Variants in HDAC9 observed in about 807,000 individuals in gnomAD.
HDAC9 encodes the protein histone deacetylase 9, also known as MEF-2 interacting transcription repressor (MITR) protein.
A neutral mutation model predicts 139.4 loss-of-function variants in HDAC9; 41 were observed. That is an observed-to-expected ratio of 0.29 (90% CI 0.23 to 0.38). The LOEUF (loss-of-function observed/expected upper bound fraction) is 0.38. Ranked by LOEUF, HDAC9 falls within the 10% of genes least tolerant of loss-of-function variation. HDAC9 has a pLI of 1.00. For missense variants in HDAC9, 1,147 were observed against 1,297.0 expected (o/e 0.88, Z 1.78); for synonymous variants, 517 against 476.2 (o/e 1.09, Z -1.12).
chr7:18,833,779 A>G (rs7795433), intron 19 of HDAC9, among the ~76,000 whole-genome samples: 61,725 of 151,992 alleles, frequency 0.41, 12,676 homozygotes, highest in South Asian at 0.54. Flanking sequence ...TCAAAAAGGG[A>G]AAAGGATTAT....
At position 18,634,655 on chromosome 7, in the gene HDAC9, C is replaced by G; in HGVS notation, c.825C>G (p.Gly275=). 1 of 1,588,424 alleles carries G rather than the reference C, an allele frequency of 6.3e-7. No individual in the cohort carries two copies. The highest frequency in any genetic ancestry group is 8.6e-7 in the Non-Finnish European group (1 of 1,165,846). ...CCTCAGTCAGTAGCAGTTCTCCAGG[C>G]TCTGGTCCCAGTTCACCAAACAATG... ...TESSVSSSSP[G]SGPSSPNNGP... Residue 275 remains glycine, a synonymous_variant, in exon 8 of 26, where the codon GGC becomes GGG. Transcript: ENST00000686413.
intron 1 of HDAC9, among the ~76,000 whole-genome samples, chr7:18,482,537 T>C (rs978751780): frequency 1.3e-5 from 2 of 152,108 alleles, no homozygotes; most frequent in African/African-American, 2.4e-5. Flanking sequence ...CTTGAGATGT[T>C]ATTAGAGTTA....
At chr7:18,677,718 ATTG>A (rs1468768553) in intron 12 of HDAC9, among the ~76,000 whole-genome samples, 2 of 151,846 alleles carry the variant, frequency 1.3e-5, no homozygotes, top group African/African-American at 4.8e-5. Context: ...ATGTCTTTTT[ATTG>A]TTGGTTATCA....
chr7:18,789,801 C>A (rs1792146304), intron 16 of HDAC9, among the ~76,000 whole-genome samples: 1 of 152,166 alleles, frequency 6.6e-6, no homozygotes, highest in Non-Finnish European at 1.5e-5. Flanking sequence ...ATGCAAGGAA[C>A]CACTATCAGT....
In HDAC9 at chr7:18,949,320, A is replaced by G. The variant is rs1170968192; in HGVS notation, c.2938-4826A>G. On this transcript the variant is annotated intron_variant, in intron 23 of 25. Transcript: ENST00000686413. ...TTTTTTTCTGTGGAACCTCACTACC[A>G]CCTCTAGAGGCAGCTCGCTTTCCAG... The G allele has an allele frequency of 2.5e-5, 6 of 240,890 alleles. No individual in the cohort carries two copies. The South Asian group carries it at 3.2e-4, about 13-fold the overall frequency. The allele number at this position is 240,890 out of a possible 1,614,324, so 14.9% of individuals were successfully genotyped here.
At chr7:18,235,163 A>G (rs1793731742) in intron 2 of HDAC9, among the ~76,000 whole-genome samples, 1 of 152,150 alleles carries the variant, frequency 6.6e-6, no homozygotes, top group Admixed American at 6.6e-5. Flanking sequence ...ATGGTAAAAC[A>G]CCATATTTGT....
chr7:18,899,094 T>C (rs189653660), intron 22 of HDAC9, among the ~76,000 whole-genome samples: 1 of 152,156 alleles, frequency 6.6e-6, no homozygotes. Flanking sequence ...AAGCAAACTG[T>C]TATTAATGAA....
At chr7:18,849,554 T>G (rs1000919163) in intron 21 of HDAC9, among the ~76,000 whole-genome samples, 1 of 152,176 alleles carries the variant, frequency 6.6e-6, no homozygotes, top group Non-Finnish European at 1.5e-5. Context: ...ATATGACACA[T>G]AAAAAAGATG....
At chr7:18,665,561 T>C (rs1036298072) in intron 11 of HDAC9, among the ~76,000 whole-genome samples, 9 of 152,182 alleles carry the variant, frequency 5.9e-5, no homozygotes, top group Admixed American at 2.0e-4. Context: ...CCTGATTCTT[T>C]TCTAATATTT....
chr7:18,613,909 C>G (rs1232886284), intron 6 of HDAC9, among the ~76,000 whole-genome samples: 2 of 152,114 alleles, frequency 1.3e-5, no homozygotes, highest in African/African-American at 4.8e-5. Flanking sequence ...TTTCATTCAT[C>G]TGCTTTACCT....
intron 23 of HDAC9, among the ~76,000 whole-genome samples, chr7:18,937,019 T>G (rs1175355027): frequency 6.7e-6 from 1 of 150,302 alleles, no homozygotes; most frequent in East Asian, 2.0e-4. Flanking sequence ...TCAAGTACTT[T>G]GCTCTTGTTA....
chr7:18,865,656 A>C (rs1223126143), intron 21 of HDAC9, among the ~76,000 whole-genome samples: 3 of 152,162 alleles, frequency 2.0e-5, no homozygotes, highest in Non-Finnish European at 2.9e-5. Context: ...TAGCAGCCAC[A>C]ACAGCTGCCT....
intron 1 of HDAC9, among the ~76,000 whole-genome samples, chr7:18,307,922 A>G (rs1380165164): frequency 6.6e-6 from 1 of 152,208 alleles, no homozygotes; most frequent in Non-Finnish European, 1.5e-5. Flanking sequence ...ACCAAAGGTC[A>G]GGGTGTGGAA....
intron 1 of HDAC9, among the ~76,000 whole-genome samples, chr7:18,136,322 T>A (rs1306267560): frequency 1.3e-5 from 2 of 152,188 alleles, no homozygotes; most frequent in Non-Finnish European, 2.9e-5. Flanking sequence ...ATCCCATTTG[T>A]CAATTTTGTC....
intron 2 of HDAC9, among the ~76,000 whole-genome samples, chr7:18,175,911 C>G (rs894398839): frequency 1.3e-5 from 2 of 151,838 alleles, no homozygotes; most frequent in Non-Finnish European, 2.9e-5. Context: ...AAAATGTTCT[C>G]TTCATACCAG....
chr7:18,998,071 T>C lies in HDAC9; in HGVS notation c.*2009T>C, dbSNP rs2129356069. ...TTATTTTGCAGTGATTGCTTGAGGA[T>C]ATTTACTTAAAAAAATAGTAGAGCC... On this transcript the variant is annotated 3_prime_UTR_variant, in exon 26 of 26. Coordinates refer to ENST00000686413, the MANE Select transcript of HDAC9 (RefSeq NM_178425.4). 1 of 152,268 alleles carries C rather than the reference T, an allele frequency of 6.6e-6. No individual in the cohort carries two copies. Among genetic ancestry groups the C allele is most frequent in the Middle Eastern group, 3.4e-3 (1 of 294 alleles). The allele number at this position is 152,268 out of a possible 1,614,324, so 9.4% of individuals were successfully genotyped here.
chr7:18,620,079 C>G (rs1436882793), intron 6 of HDAC9, among the ~76,000 whole-genome samples: 2 of 152,274 alleles, frequency 1.3e-5, no homozygotes, highest in South Asian at 4.1e-4. Context: ...ACTTAACATG[C>G]ACTTTTTCCC....
At chr7:18,572,668 A>T (rs1307267771) in intron 2 of HDAC9, among the ~76,000 whole-genome samples, 1 of 152,116 alleles carries the variant, frequency 6.6e-6, no homozygotes, top group Non-Finnish European at 1.5e-5. Flanking sequence ...TTTCATTTTT[A>T]GGTACATTTA....
intron 1 of HDAC9, among the ~76,000 whole-genome samples, chr7:18,481,239 T>C (rs1231907553): frequency 6.6e-6 from 1 of 152,200 alleles, no homozygotes; most frequent in African/African-American, 2.4e-5. Context: ...GGTGGTATAA[T>C]TACCAAATAA....
Sources: gnomAD v4.1 joint callset for allele counts (sites outside exome capture counted in the v4.1 genomes callset) on GRCh38, gnomAD v4.1.1 for gene constraint, MANE v1.5 for transcripts, NCBI Gene and HGNC (gene_info 2026-07-23, HGNC 2026-07-21) for gene names.